LRP1B: variants seen among roughly 807,000 people sequenced by gnomAD.
LRP1B encodes the protein LDL receptor related protein 1B.
LRP1B carries 217 observed loss-of-function variants against 556.6 expected under a neutral mutation model. The observed-to-expected ratio is 0.39, with a 90% confidence interval of 0.35 to 0.44. The LOEUF (loss-of-function observed/expected upper bound fraction) is 0.44, where lower values mean the gene tolerates loss of function less well. LRP1B is among the 20% of genes least tolerant of loss of function. The pLI is 1.00. For synonymous variants in LRP1B, 2,047 were observed against 1,865.8 expected (o/e 1.10, Z -2.50); for missense variants, 5,053 against 5,620.8 (o/e 0.90, Z 3.23).
chr2:140,452,513 C>T (rs1203362484), intron 62 of LRP1B, among the ~76,000 whole-genome samples: 1 of 152,072 alleles, frequency 6.6e-6, no homozygotes, highest in Non-Finnish European at 1.5e-5. Flanking sequence ...GAATTGAAAA[C>T]ATTTCTAAAT....
intron 41 of LRP1B, among the ~76,000 whole-genome samples, chr2:140,636,298 C>A (rs1456161802): frequency 6.6e-6 from 1 of 152,112 alleles, no homozygotes; most frequent in African/African-American, 2.4e-5. Flanking sequence ...AGTAGCATGG[C>A]ATGCATTATA....
At chr2:140,315,461 G>T (rs1020317507) in intron 82 of LRP1B, among the ~76,000 whole-genome samples, 1 of 151,832 alleles carries the variant, frequency 6.6e-6, no homozygotes, top group Non-Finnish European at 1.5e-5. Context: ...CACCCAGACT[G>T]GTGGGCAGTG....
At chr2:140,278,861 G>A (rs983552089) in intron 84 of LRP1B, among the ~76,000 whole-genome samples, 2 of 151,806 alleles carry the variant, frequency 1.3e-5, no homozygotes, top group African/African-American at 4.8e-5. Context: ...GAAATTCAGG[G>A]GCAAAGAGTT....
In LRP1B at chr2:141,471,444, A is replaced by T. The variant is rs535493038; in HGVS notation, c.343+8952T>A. ...ACTCAAGTATGTATGCTTCAACCTT[A>T]CCCAATAACTTAGAGATCTTGAACA... On this transcript the variant is annotated intron_variant, in intron 3 of 90. Transcript: ENST00000389484. 2.0e-5 allele frequency among the ~76,000 whole-genome samples: 3 copies of T among 152,154 alleles called. No homozygotes were observed. The East Asian group carries it at 5.8e-4, about 29-fold the overall frequency.
At chr2:140,303,006 C>G (rs1307710847) in intron 83 of LRP1B, among the ~76,000 whole-genome samples, 1 of 110,910 alleles carries the variant, frequency 9.0e-6, no homozygotes, top group African/African-American at 3.2e-5. Flanking sequence ...AATTATAAAT[C>G]TCCTTCATAT....
At chr2:140,793,981 C>T (rs890160230) in intron 32 of LRP1B, among the ~76,000 whole-genome samples, 2 of 151,862 alleles carry the variant, frequency 1.3e-5, no homozygotes, top group African/African-American at 2.4e-5. Context: ...TCTGAAAGAA[C>T]GTTATGTTAT....
intron 2 of LRP1B, among the ~76,000 whole-genome samples, chr2:141,490,930 GTTTT>G (rs67482957): frequency 0.024 from 3,262 of 135,408 alleles, 51 homozygotes; most frequent in Non-Finnish European, 0.034. Context: ...AGGTTAAAAT[GTTTT>G]TTTTTTTTTT....
intron 3 of LRP1B, among the ~76,000 whole-genome samples, chr2:141,403,729 T>C (rs1390210963): frequency 6.6e-6 from 1 of 152,182 alleles, no homozygotes; most frequent in Non-Finnish European, 1.5e-5. Context: ...TACAAAAACA[T>C]ATTTTAAGTA....
chr2:140,990,998 G>T (rs935776442), intron 16 of LRP1B, among the ~76,000 whole-genome samples: 4 of 151,972 alleles, frequency 2.6e-5, no homozygotes, highest in African/African-American at 9.7e-5. Flanking sequence ...TTGATACGTG[G>T]TTTTATCACT....
In LRP1B at chr2:141,353,730, T is replaced by C. The variant is rs183419685; in HGVS notation, c.344-99089A>G. Among the ~76,000 whole-genome samples the C allele has an allele frequency of 2.1e-3, 321 of 152,072 alleles. 4 individuals are homozygous for C. Among genetic ancestry groups the C allele is most frequent in the African/African-American group, 7.5e-3 (311 of 41,510 alleles). ...ATATAACAATTATTAATTGTGACTT[T>C]TGGTGTATCTTTCTTATACTTACTC... On this transcript the variant is annotated intron_variant, in intron 3 of 90. Transcript: ENST00000389484.
chr2:141,447,804 A>G (rs1271046430), intron 3 of LRP1B, among the ~76,000 whole-genome samples: 1 of 152,120 alleles, frequency 6.6e-6, no homozygotes, highest in Non-Finnish European at 1.5e-5. Context: ...CCAGAAGGCC[A>G]ACTGCCAGGG....
chr2:141,970,560 A>C (rs1442699232), intron 1 of LRP1B, among the ~76,000 whole-genome samples: 1 of 151,486 alleles, frequency 6.6e-6, no homozygotes, highest in Non-Finnish European at 1.5e-5. Context: ...GATCCATAAT[A>C]CAGTTATTTA....
At chr2:141,116,353 G>C (rs1384589255) in intron 7 of LRP1B, among the ~76,000 whole-genome samples, 1 of 152,130 alleles carries the variant, frequency 6.6e-6, no homozygotes, top group Non-Finnish European at 1.5e-5. Context: ...AATACTCAGT[G>C]TTGTTTTTTG....
intron 18 of LRP1B, among the ~76,000 whole-genome samples, chr2:140,978,416 T>C (rs1267953579): frequency 6.6e-6 from 1 of 152,076 alleles, no homozygotes. Context: ...GAAGCTGAAA[T>C]GTAAAAACAA....
At chr2:140,478,323 G>A (rs1360646329) in intron 59 of LRP1B, among the ~76,000 whole-genome samples, 1 of 151,580 alleles carries the variant, frequency 6.6e-6, no homozygotes, top group Admixed American at 6.6e-5. Context: ...CTAATTTTTT[G>A]TATTTTTAGT....
At chr2:140,791,147 G>C (rs564070708) in intron 32 of LRP1B, among the ~76,000 whole-genome samples, 1 of 152,100 alleles carries the variant, frequency 6.6e-6, no homozygotes, top group South Asian at 2.1e-4. Flanking sequence ...CCAGCTACTC[G>C]GGAGGCTGAG....
intron 7 of LRP1B, among the ~76,000 whole-genome samples, chr2:141,181,404 A>G (rs748478429): frequency 6.6e-6 from 1 of 151,972 alleles, no homozygotes; most frequent in Non-Finnish European, 1.5e-5. Flanking sequence ...ATTTGAGTGG[A>G]CAGCATTAAC....
At chr2:142,074,704 G>C (rs1351344392) in intron 1 of LRP1B, among the ~76,000 whole-genome samples, 1 of 151,914 alleles carries the variant, frequency 6.6e-6, no homozygotes, top group African/African-American at 2.4e-5. Flanking sequence ...CAAGGCCTTA[G>C]GGTTTCCTCT....
chr2:141,256,947 T>A (rs1258260577), intron 3 of LRP1B, among the ~76,000 whole-genome samples: 1 of 151,792 alleles, frequency 6.6e-6, no homozygotes, highest in South Asian at 2.1e-4. Flanking sequence ...AACCTCTTCA[T>A]GTGAAAATCA....
Sources: allele counts gnomAD v4.1 joint callset (sites outside exome capture counted in the v4.1 genomes callset), GRCh38; gene constraint gnomAD v4.1.1; transcripts MANE v1.5; gene names NCBI Gene and HGNC (gene_info 2026-07-23, HGNC 2026-07-21).